The following TFAP2D variants were observed in gnomAD, a reference collection of about 807,000 sequenced individuals.
The protein encoded by TFAP2D is transcription factor AP-2 delta.
A neutral mutation model predicts 43.6 loss-of-function variants in TFAP2D; 9 were observed. That is an observed-to-expected ratio of 0.21 (90% CI 0.12 to 0.36). The LOEUF (loss-of-function observed/expected upper bound fraction) is 0.36, where lower values mean the gene tolerates loss of function less well. TFAP2D is among the 10% of genes least tolerant of loss of function. The pLI is 1.00. For missense variants in TFAP2D, 513 were observed against 561.4 expected, an observed-to-expected ratio of 0.91 and a Z score of 0.87; for synonymous variants, 256 against 224.9, an observed-to-expected ratio of 1.14 and a Z score of -1.24.
At chr6:50,735,997 T>C (rs760098744) in intron 5 of TFAP2D, among the ~76,000 whole-genome samples, 11 of 152,142 alleles carry the variant, frequency 7.2e-5, no homozygotes, top group Non-Finnish European at 1.5e-4. Flanking sequence ...GCTAATATTC[T>C]CATTGCTCTT....
At chr6:50,766,660 T>TC (rs1236120201) in intron 7 of TFAP2D, among the ~76,000 whole-genome samples, 1 of 78,636 alleles carries the variant, frequency 1.3e-5, no homozygotes, top group African/African-American at 6.0e-5. Context: ...CTTTCTTTTT[T>TC]TTTTTTTTTT....
At chr6:50,734,080 T>TTTGTGTTC (rs1768930848) in intron 5 of TFAP2D, among the ~76,000 whole-genome samples, 1 of 151,670 alleles carries the variant, frequency 6.6e-6, no homozygotes, top group African/African-American at 2.4e-5. Context: ...GGGAACCAGT[T>TTTGTGTTC]CCAAATATTG....
At chr6:50,767,517 G>T (rs1255895751) in intron 7 of TFAP2D, among the ~76,000 whole-genome samples, 1 of 152,080 alleles carries the variant, frequency 6.6e-6, no homozygotes, top group Admixed American at 6.6e-5. Context: ...CATTTGTTTG[G>T]GGATTGTTAC....
At chr6:50,745,307 C>A (rs1162588187) in intron 6 of TFAP2D, 59 bp downstream of exon 6, 2 of 1,597,756 alleles carry the variant, frequency 1.3e-6, no homozygotes, top group African/African-American at 2.7e-5. Flanking sequence ...TTTTCATTTT[C>A]TTTGAAATGA....
chr6:50,738,286 G>T (rs559015886), intron 5 of TFAP2D, among the ~76,000 whole-genome samples: 19 of 152,182 alleles, frequency 1.2e-4, no homozygotes, highest in African/African-American at 4.6e-4. Flanking sequence ...TTAAATGTTA[G>T]TATGTCTTTC....
chr6:50,717,833 G>C (rs1016159043), intron 2 of TFAP2D, among the ~76,000 whole-genome samples: 89 of 152,226 alleles, frequency 5.8e-4, no homozygotes, highest in African/African-American at 2.1e-3. Context: ...AATGGGGAGG[G>C]AGTGTGTGGG....
chr6:50,727,457 G>T (rs1768824644), intron 3 of TFAP2D, among the ~76,000 whole-genome samples: 1 of 152,174 alleles, frequency 6.6e-6, no homozygotes, highest in Non-Finnish European at 1.5e-5. Context: ...TACCTGGGAG[G>T]CAAGTGGTAA....
At chr6:50,761,878 A>C (rs1391627430) in intron 7 of TFAP2D, among the ~76,000 whole-genome samples, 1 of 152,056 alleles carries the variant, frequency 6.6e-6, no homozygotes. Context: ...GAAGCTTTGG[A>C]GATTTTAAAG....
chr6:50,731,674 A>T (rs1768895879), intron 5 of TFAP2D, among the ~76,000 whole-genome samples: 1 of 152,112 alleles, frequency 6.6e-6, no homozygotes, highest in Non-Finnish European at 1.5e-5. Context: ...CAAGGACATT[A>T]TATCTACATT....
chr6:50,768,995 G>A (rs112606936), intron 7 of TFAP2D, among the ~76,000 whole-genome samples: 34 of 150,162 alleles, frequency 2.3e-4, no homozygotes, highest in African/African-American at 6.9e-4. Context: ...GGGTTCAAGC[G>A]GTTCTCCTGC....
intron 7 of TFAP2D, among the ~76,000 whole-genome samples, chr6:50,763,296 G>T (rs1769391265): frequency 6.6e-6 from 1 of 152,074 alleles, no homozygotes; most frequent in African/African-American, 2.4e-5. Flanking sequence ...TGACAGCCTT[G>T]CAGCACTCCA....
At chr6:50,720,051 G>A (rs749810477) in intron 3 of TFAP2D, among the ~76,000 whole-genome samples, 9 of 152,172 alleles carry the variant, frequency 5.9e-5, no homozygotes, top group Admixed American at 2.6e-4. Context: ...TGAGTAACCC[G>A]AGCAGCACAC....
chr6:50,750,997 T>A (rs1358175644), intron 6 of TFAP2D, among the ~76,000 whole-genome samples: 1 of 152,014 alleles, frequency 6.6e-6, no homozygotes, highest in Non-Finnish European at 1.5e-5. Flanking sequence ...TGTTATTTGT[T>A]TGAAATGTTG....
chr6:50,714,815 CTG>C (rs370095175), intron 1 of TFAP2D, among the ~76,000 whole-genome samples: 2 of 150,184 alleles, frequency 1.3e-5, no homozygotes, highest in African/African-American at 4.9e-5. Flanking sequence ...GTGTGTGTGT[CTG>C]TGTGTGTGTG....
intron 5 of TFAP2D, among the ~76,000 whole-genome samples, chr6:50,736,827 T>C (rs1581765762): frequency 6.6e-6 from 1 of 152,350 alleles, no homozygotes; most frequent in East Asian, 1.9e-4. Flanking sequence ...TTGCCACCTT[T>C]GATCTAGCTC....
At chr6:50,721,038 CT>C (rs1768715110) in intron 3 of TFAP2D, among the ~76,000 whole-genome samples, 1 of 152,150 alleles carries the variant, frequency 6.6e-6, no homozygotes, top group Admixed American at 6.5e-5. Context: ...AAGGGACACC[CT>C]CTCACCCCCT....
At chr6:50,761,902 A>G (rs1769368659) in intron 7 of TFAP2D, among the ~76,000 whole-genome samples, 1 of 152,070 alleles carries the variant, frequency 6.6e-6, no homozygotes, top group African/African-American at 2.4e-5. Context: ...AATGTAGGTA[A>G]GGCCTTGACC....
In TFAP2D at chr6:50,763,177, T is replaced by C. The variant is rs906063249; in HGVS notation, c.1140-9468T>C. On this transcript the variant is annotated intron_variant, in intron 7 of 7. Coordinates refer to ENST00000008391, the MANE Select transcript of TFAP2D (RefSeq NM_172238.4). ...AGGTTTTTCAGAACTTTGGTTCTGT[T>C]ATACAATGCAGAAACTTTCCTCTTT... is the stretch of plus-strand genomic sequence containing the variant. Among the ~76,000 whole-genome samples, 7 of 152,298 alleles carry C rather than the reference T, an allele frequency of 4.6e-5. No individual in the cohort carries two copies. The South Asian group carries it at 1.2e-3, about 27-fold the overall frequency.
rs534785563 is a variant in TFAP2D at position 50,751,203 on chromosome 6, T to C, written c.1026-8T>C. The C allele has an allele frequency of 1.3e-6, 2 of 1,582,156 alleles. No individual in the cohort carries two copies. Among genetic ancestry groups the C allele is most frequent in the Admixed American group, 1.7e-5 (1 of 58,630 alleles). ...ATTTCAATTTTAAATTTGATTCTTT[T>C]ATTTTAGACAAATCTGTAAAGAATT... is the stretch of plus-strand genomic sequence containing the variant. On this transcript the variant is annotated splice_polypyrimidine_tract_variant and splice_region_variant and intron_variant, in intron 6 of 7. Coordinates refer to ENST00000008391, the MANE Select transcript of TFAP2D (RefSeq NM_172238.4).
Sources: gnomAD v4.1 joint callset for allele counts (sites outside exome capture counted in the v4.1 genomes callset) on GRCh38, gnomAD v4.1.1 for gene constraint, MANE v1.5 for transcripts, NCBI Gene and HGNC (gene_info 2026-07-23, HGNC 2026-07-21) for gene names.